SNX29: variants seen among roughly 807,000 people sequenced by gnomAD.
The protein encoded by SNX29 is sorting nexin 29, also known as sorting nexin-29.
SNX29 carries 78 observed loss-of-function variants against 102.1 expected under a neutral mutation model. The observed-to-expected ratio is 0.76, with a 90% CI of 0.64 to 0.92. SNX29 has a LOEUF of 0.92. SNX29 is among the 40% of genes least tolerant of loss of function. The pLI is 0.00. For synonymous variants in SNX29, 580 were observed against 414.5 expected (o/e 1.40, Z -4.85); for missense variants, 1,280 against 1,061.7 (o/e 1.21, Z -2.86).
rs1038499757 is a variant in SNX29 at position 12,574,220 on chromosome 16, A to G, written c.*5591A>G. 18 of 177,536 alleles carry G rather than the reference A, an allele frequency of 1.0e-4. No individual in the cohort carries two copies. The highest frequency in any genetic ancestry group is 4.3e-4 in the African/African-American group (18 of 42,248). The allele number at this position is 177,536 out of a possible 1,614,324, so 11.0% of individuals were successfully genotyped here. On this transcript the variant is annotated 3_prime_UTR_variant, in exon 21 of 21. Transcript: ENST00000566228. ...AATAAGCTGTGGAAATTTTGTTACA[A>G]CCTGGTTGAGATCAACCTCTTTACA...
chr16:12,572,329 C>T lies in SNX29; in HGVS notation c.*3700C>T. On this transcript the variant is annotated 3_prime_UTR_variant, in exon 21 of 21. Coordinates refer to ENST00000566228, the MANE Select transcript of SNX29 (RefSeq NM_032167.5). ...TCCAGGTTGGAAACAGGAGTGAAGC[C>T]CACCAGCCTGCCTGGTTGATGGACA... 7 of 1,063,312 alleles carry T rather than the reference C, an allele frequency of 6.6e-6. No individual in the cohort carries two copies. The highest frequency in any genetic ancestry group is 8.0e-6 in the Non-Finnish European group (7 of 877,962). The allele number at this position is 1,063,312 out of a possible 1,614,324, so 65.9% of individuals were successfully genotyped here. A position where few individuals can be genotyped will look rare whatever the true frequency, so the allele number is the denominator to read the frequency against.
intron 12 of SNX29, among the ~76,000 whole-genome samples, chr16:12,127,730 G>A (rs1196719962): frequency 1.3e-5 from 2 of 152,172 alleles, no homozygotes; most frequent in African/African-American, 4.8e-5. Flanking sequence ...CCTCTAGGCA[G>A]CTGTTAGTCA....
chr16:12,039,540 C>G (rs1283288579), intron 4 of SNX29, among the ~76,000 whole-genome samples: 1 of 151,906 alleles, frequency 6.6e-6, no homozygotes, highest in African/African-American at 2.4e-5. Context: ...GTGAATTTAA[C>G]TAGCCTGCCA....
At chr16:12,453,919 C>T (rs557021242) in intron 18 of SNX29, among the ~76,000 whole-genome samples, 114 of 152,300 alleles carry the variant, frequency 7.5e-4, no homozygotes, top group African/African-American at 2.5e-3. Flanking sequence ...GTGGCAGACA[C>T]TGCTAGTTGC....
chr16:11,983,991 G>C (rs115755903), intron 1 of SNX29, among the ~76,000 whole-genome samples: 1 of 152,108 alleles, frequency 6.6e-6, no homozygotes, highest in South Asian at 2.1e-4. Context: ...TGTATCTGTG[G>C]TATTACTTTT....
At chr16:12,216,362 C>T (rs1383590431) in intron 14 of SNX29, among the ~76,000 whole-genome samples, 2 of 152,132 alleles carry the variant, frequency 1.3e-5, no homozygotes, top group Non-Finnish European at 2.9e-5. Flanking sequence ...TTTTTATGGG[C>T]TCAGAAGAAA....
At chr16:12,219,839 A>C (rs830731) in intron 14 of SNX29, among the ~76,000 whole-genome samples, 91,123 of 152,126 alleles carry the variant, frequency 0.6, 27,568 homozygotes, top group Non-Finnish European at 0.64. Flanking sequence ...AAGCCACCTT[A>C]TAGGTGATTT....
intron 20 of SNX29, among the ~76,000 whole-genome samples, chr16:12,537,931 G>T (rs1353352478): frequency 6.7e-6 from 1 of 150,036 alleles, no homozygotes; most frequent in African/African-American, 2.5e-5. Context: ...GTTGCAGTGA[G>T]CTGAGATCGT....
At chr16:12,288,170 C>T (rs113080538) in intron 15 of SNX29, among the ~76,000 whole-genome samples, 4,824 of 152,134 alleles carry the variant, frequency 0.032, 118 homozygotes, top group Admixed American at 0.063. Flanking sequence ...ACTCCAGAGG[C>T]GGGACTCAGA....
chr16:12,078,934 C>A lies in SNX29; in HGVS notation c.1402+19C>A. On this transcript the variant is annotated intron_variant, in intron 11 of 20. Coordinates refer to ENST00000566228, the MANE Select transcript of SNX29 (RefSeq NM_032167.5). ...ACAATTAGTAAGTACTTTCGCAGCCCCCTCCACCAGCTCTGGGATGACTTC... is the reference window on the plus strand; with the variant it reads ...ACAATTAGTAAGTACTTTCGCAGCCACCTCCACCAGCTCTGGGATGACTTC... 6.3e-7 allele frequency: 1 copy of A among 1,579,584 alleles called. No homozygotes were observed. The highest frequency in any genetic ancestry group is 8.6e-7 in the Non-Finnish European group (1 of 1,161,826).
rs764090307 is a variant in SNX29, at chr16:12,048,394, G to A, written c.522G>A (p.Ala174=). The A allele has an allele frequency of 4.3e-6, 7 of 1,613,726 alleles. No homozygotes were observed. Among genetic ancestry groups the A allele is most frequent in the Non-Finnish European group, 5.9e-6 (7 of 1,179,834 alleles). ...MAAGLNSILF[A]INIDNKDLNG... ...CAGGTCTGAACTCCATACTCTTTGC[G>A]ATTAACATCGACAACAAGGATTTGA... Residue 174 remains alanine, a synonymous_variant, in exon 7 of 21, where the codon GCG becomes GCA. Coordinates refer to ENST00000566228, the MANE Select transcript of SNX29 (RefSeq NM_032167.5).
intron 15 of SNX29, among the ~76,000 whole-genome samples, chr16:12,305,773 C>T (rs1321755795): frequency 2.6e-5 from 4 of 152,062 alleles, no homozygotes; most frequent in Non-Finnish European, 5.9e-5. Flanking sequence ...AATTATAATT[C>T]TCTGGGCTTT....
intron 20 of SNX29, among the ~76,000 whole-genome samples, chr16:12,566,598 T>A (rs1336434536): frequency 6.6e-6 from 1 of 152,206 alleles, no homozygotes; most frequent in Non-Finnish European, 1.5e-5. Flanking sequence ...TTCCTGTATC[T>A]AAGAATCAGT....
intron 20 of SNX29, among the ~76,000 whole-genome samples, chr16:12,566,073 G>T (rs376628980): frequency 6.6e-6 from 1 of 152,208 alleles, no homozygotes; most frequent in Non-Finnish European, 1.5e-5. Context: ...GTCTCTCTAG[G>T]CACTTGATCC....
intron 18 of SNX29, among the ~76,000 whole-genome samples, chr16:12,429,882 A>G (rs1281356390): frequency 6.6e-6 from 1 of 152,148 alleles, no homozygotes; most frequent in South Asian, 2.1e-4. Context: ...ACAGATTGCA[A>G]TCTTGACTAT....
chr16:12,176,291 C>A (rs758852210), intron 13 of SNX29, among the ~76,000 whole-genome samples: 4 of 152,220 alleles, frequency 2.6e-5, no homozygotes, highest in Non-Finnish European at 4.4e-5. Context: ...CAGCTTTTGA[C>A]AGGTGCAGGT....
At chr16:12,049,626 C>T (rs1052235373) in intron 7 of SNX29, among the ~76,000 whole-genome samples, 2 of 151,900 alleles carry the variant, frequency 1.3e-5, no homozygotes, top group African/African-American at 2.4e-5. Context: ...AGCCACTGTG[C>T]CCAGCCTGTT....
At chr16:12,371,417 G>C (rs1457894982) in intron 16 of SNX29, among the ~76,000 whole-genome samples, 1 of 152,008 alleles carries the variant, frequency 6.6e-6, no homozygotes, top group Admixed American at 6.6e-5. Flanking sequence ...TGCACTTCAG[G>C]CTCCGGAGAA....
intron 15 of SNX29, among the ~76,000 whole-genome samples, chr16:12,337,501 C>A (rs1262427404): frequency 1.3e-5 from 2 of 152,000 alleles, no homozygotes; most frequent in Non-Finnish European, 2.9e-5. Context: ...ACCATCATGC[C>A]CGGCTAACTT....
Sources: allele counts gnomAD v4.1 joint callset (sites outside exome capture counted in the v4.1 genomes callset), GRCh38; gene constraint gnomAD v4.1.1; transcripts MANE v1.5; gene names NCBI Gene and HGNC (gene_info 2026-07-23, HGNC 2026-07-21).